UGT2B28: variants seen among roughly 807,000 people sequenced by gnomAD.
UGT2B28 encodes the protein UDP-glucuronosyltransferase 2B28.
Under a neutral mutation model 43.6 loss-of-function variants are expected in UGT2B28, and 45 were observed. That is an observed-to-expected ratio of 1.03 (90% confidence interval 0.81 to 1.32). The LOEUF (loss-of-function observed/expected upper bound fraction) is 1.32. Ranked by LOEUF, UGT2B28 falls within the 40% of genes most tolerant of loss-of-function variation. The pLI, the probability that UGT2B28 is intolerant of heterozygous loss-of-function variation, is 0.00. For missense variants in UGT2B28, 649 were observed against 625.5 expected (o/e 1.04, Z -0.40); for synonymous variants, 204 against 208.1 (o/e 0.98, Z 0.17).
intron 5 of UGT2B28, 135 bp downstream of exon 5, chr4:69,290,946 CTTTG>C (rs1195526990): frequency 2.5e-6 from 3 of 1,200,228 alleles, no homozygotes; most frequent in East Asian, 2.7e-5. Context: ...CTGAAATCTG[CTTTG>C]TTTTTTATCT....
intron 2 of UGT2B28, among the ~76,000 whole-genome samples, chr4:69,286,405 A>G (rs1723776216): frequency 7.1e-6 from 1 of 140,702 alleles, no homozygotes; most frequent in Admixed American, 7.1e-5. Flanking sequence ...CCACTTTTCC[A>G]AGAACTTATA....
At chr4:69,283,399 AT>A (rs1372516466) in intron 2 of UGT2B28, among the ~76,000 whole-genome samples, 2 of 140,296 alleles carry the variant, frequency 1.4e-5, no homozygotes, top group African/African-American at 5.6e-5. Context: ...TAAGAAATAA[AT>A]ATATATGAAA....
rs749285017 is a variant in UGT2B28 at position 69,287,016 on chromosome 4, C to T, written c.1002+133C>T. 222 of 1,385,064 alleles carry T rather than the reference C, an allele frequency of 1.6e-4. 16 individuals carry two copies. Among genetic ancestry groups the T allele is most frequent in the Non-Finnish European group, 1.9e-4 (206 of 1,060,568 alleles). The allele number at this position is 1,385,064 out of a possible 1,614,324, so 85.8% of individuals were successfully genotyped here. A position where few individuals can be genotyped will look rare whatever the true frequency, so the allele number is the denominator to read the frequency against. ...ATACAGTCTTAAATATCTTGTGTAG[C>T]TTCCACCGACACAAGTCATAGTTGT... is the stretch of plus-strand genomic sequence containing the variant. On this transcript the variant is annotated intron_variant, in intron 3 of 5. Transcript: ENST00000335568.
In UGT2B28 at chr4:69,290,783, G is replaced by A. The variant is rs753628769; in HGVS notation, c.1282G>A (p.Ala428Thr). The A allele has an allele frequency of 3.3e-5, 52 of 1,559,422 alleles. 8 individuals carry two copies. In the East Asian group the frequency reaches 1.1e-3, roughly 33 times the overall value. Residue 428 changes from alanine (A) to threonine (T), a missense_variant, in exon 5 of 6, where the codon GCA (alanine) becomes ACA (threonine). Physicochemically the swap from Ala to Thr is moderately conservative, Grantham distance 58. Coordinates refer to ENST00000335568, the MANE Select transcript of UGT2B28 (RefSeq NM_053039.2). ...AATGTCGAGTACAGACCTGCTGAAT[G>A]CACTGAAGACAGTAATTAATGATCC... ...HTMSSTDLLN[A>T]LKTVINDPSY...
chr4:69,294,357 C>A (rs1423643867), intron 5 of UGT2B28, among the ~76,000 whole-genome samples, 173 bp from the exon 6 acceptor site: 1 of 139,310 alleles, frequency 7.2e-6, no homozygotes. Flanking sequence ...GAGAAAAGTC[C>A]AATTTAAAAG....
intron 3 of UGT2B28, among the ~76,000 whole-genome samples, chr4:69,288,216 A>G (rs1412401342): frequency 2.2e-5 from 3 of 139,340 alleles, no homozygotes; most frequent in Non-Finnish European, 3.1e-5. Flanking sequence ...AAAAATTGTC[A>G]CTTGAAATTT....
chr4:69,282,244 T>A (rs1319558387), intron 1 of UGT2B28, among the ~76,000 whole-genome samples: 1 of 140,274 alleles, frequency 7.1e-6, no homozygotes, highest in Non-Finnish European at 1.5e-5. Context: ...CTATGACTTA[T>A]TTTAATAATT....
chr4:69,291,846 T>C (rs1312023839), intron 5 of UGT2B28, among the ~76,000 whole-genome samples: 2 of 140,526 alleles, frequency 1.4e-5, no homozygotes, highest in African/African-American at 5.6e-5. Context: ...CAGTACAATA[T>C]GGTTCCAATT....
Position 69,290,635 on chromosome 4 carries a change from T to C in UGT2B28, c.1134T>C (p.Asn378=), listed in dbSNP as rs371383906. 169 of 1,559,516 alleles carry C rather than the reference T, an allele frequency of 1.1e-4. 21 individuals carry two copies. Among genetic ancestry groups the C allele is most frequent in the Non-Finnish European group, 1.4e-4 (157 of 1,155,212 alleles). ...CTTTTATAACTCATGGTGGAGCCAA[T>C]GGCATCTATGAGGCAATCTACCATG... ...TRAFITHGGA[N]GIYEAIYHGI... is the part of the protein sequence containing the mutation. Residue 378 remains asparagine, a synonymous_variant, in exon 5 of 6, where the codon AAT becomes AAC. Transcript: ENST00000335568.
chr4:69,289,849 G>T (rs573163202), intron 4 of UGT2B28, 97 bp downstream of exon 4: 1 of 1,265,932 alleles, frequency 7.9e-7, no homozygotes, highest in South Asian at 1.6e-5. Flanking sequence ...ATTTATTATA[G>T]GAAAACAAAA....
At chr4:69,291,412 C>T (rs1472102540) in intron 5 of UGT2B28, among the ~76,000 whole-genome samples, 5 of 140,734 alleles carry the variant, frequency 3.6e-5, no homozygotes, top group Non-Finnish European at 7.6e-5. Context: ...CCTAGTCTAA[C>T]ACCAATTTGT....
intron 5 of UGT2B28, among the ~76,000 whole-genome samples, chr4:69,294,222 A>G (rs765929706): frequency 7.2e-6 from 1 of 139,048 alleles, no homozygotes; most frequent in Non-Finnish European, 1.5e-5. Context: ...TACACTTAAT[A>G]TGGACCCACA....
chr4:69,290,861 T>A (rs1404250405), intron 5 of UGT2B28, 50 bp downstream of exon 5: 1 of 1,513,338 alleles, frequency 6.6e-7, no homozygotes, highest in Admixed American at 1.9e-5. Context: ...ATAGCTTCTC[T>A]TTTCAATAGT....
At chr4:69,287,578 A>G (rs1364071856) in intron 3 of UGT2B28, among the ~76,000 whole-genome samples, 1 of 140,560 alleles carries the variant, frequency 7.1e-6, no homozygotes, top group Non-Finnish European at 1.5e-5. Context: ...GAAAGGATGG[A>G]GATGGATCCT....
rs781733567 is a variant in UGT2B28, at chr4:69,289,733, A to C, written c.1071A>C (p.Ile357=). Residue 357 remains isoleucine, a synonymous_variant, in exon 4 of 6, where the codon ATA becomes ATC. Coordinates refer to ENST00000335568, the MANE Select transcript of UGT2B28 (RefSeq NM_053039.2). The part of the protein sequence containing the change: ...LGLNTRLYKW[I]PQNDLLGLPK... ...TCAATACTCGGCTGTATAAGTGGAT[A>C]CCCCAGAATGACCTTCTAGGTAACA... 5 of 1,559,592 alleles carry C rather than the reference A, an allele frequency of 3.2e-6. No homozygotes were observed. In the Admixed American group the frequency reaches 9.0e-5, roughly 28 times the overall value.
At position 69,286,765 on chromosome 4, in the gene UGT2B28, T is replaced by C. The variant is rs1723786807; in HGVS notation, c.884T>C (p.Phe295Ser). The change falls in exon 3 of 6, where the codon TTT becomes TCT. Residue 295 changes from phenylalanine (F) to serine (S), a missense_variant. Transcript: ENST00000335568. ...TTTTTTTCACAGGAAATGGAGGAAT[T>C]TGTACAGAGCTCTGGTGAAAATGGT... Reference protein sequence around the residue: ...AKPLPKEMEEFVQSSGENGVV... With the variant: ...AKPLPKEMEESVQSSGENGVV... 5 of 1,555,214 alleles carry C rather than the reference T, an allele frequency of 3.2e-6. No individual in the cohort carries two copies. Among genetic ancestry groups the C allele is most frequent in the African/African-American group, 1.5e-5 (1 of 65,250 alleles).
chr4:69,293,597 T>C lies in UGT2B28; in HGVS notation c.1311-933T>C, dbSNP rs778251045. On this transcript the variant is annotated intron_variant, in intron 5 of 5. Coordinates refer to ENST00000335568, the MANE Select transcript of UGT2B28 (RefSeq NM_053039.2). The stretch of plus-strand genomic sequence containing the variant: ...GAAGCCACAAAAAGGGAGAGAAGCA[T>C]GCCTTGGGTTGCAGCAAGAAAGAGT... 1.6e-4 allele frequency among the ~76,000 whole-genome samples: 23 copies of C among 139,628 alleles called. 6 individuals are homozygous for C. Among genetic ancestry groups the C allele is most frequent in the Non-Finnish European group, 3.0e-4 (20 of 65,650 alleles). 91.6% of individuals were successfully genotyped at this position (139,628 alleles called of 152,430 possible). A position where few individuals can be genotyped will look rare whatever the true frequency, so the allele number is the denominator to read the frequency against.
Position 69,282,612 on chromosome 4 carries a change from A to C in UGT2B28, c.820A>C (p.Ile274Leu), listed in dbSNP as rs199599672. Residue 274 changes from isoleucine to leucine, a missense_variant, in exon 2 of 6, where the codon ATT (isoleucine) becomes CTT (leucine). By Grantham distance (5) the Ile-to-Leu change is conservative (BLOSUM62 2). Coordinates refer to ENST00000335568, the MANE Select transcript of UGT2B28 (RefSeq NM_053039.2). ...ATTTCCTCATCCATTCTTACCAAAC[A>C]TTGATTTTGTTGGAGGACTCCACTG... ...FQFPHPFLPN[I>L]DFVGGLHCKP... 6 of 1,555,450 alleles carry C rather than the reference A, an allele frequency of 3.9e-6. 2 individuals are homozygous for C. In the Admixed American group the frequency reaches 7.2e-5, roughly 19 times the overall value.
chr4:69,289,861 G>C, intron 4 of UGT2B28, 109 bp downstream of exon 4: 5 of 1,178,318 alleles, frequency 4.2e-6, no homozygotes, highest in Non-Finnish European at 5.7e-6. Flanking sequence ...AAAACAAAAA[G>C]AACTTCTTTG....
Sources: allele counts gnomAD v4.1 joint callset (sites outside exome capture counted in the v4.1 genomes callset), GRCh38; gene constraint gnomAD v4.1.1; transcripts MANE v1.5; gene names NCBI Gene and HGNC (gene_info 2026-07-23, HGNC 2026-07-21).